Variants in GAB2 observed in about 807,000 individuals in gnomAD.
GAB2 encodes the protein GRB2-associated-binding protein 2.
A neutral mutation model predicts 65.5 loss-of-function variants in GAB2; 26 were observed. That is an observed-to-expected ratio of 0.40 (90% confidence interval 0.29 to 0.55). The LOEUF is 0.55. GAB2 is among the 20% of genes least tolerant of loss of function. The probability of loss-of-function intolerance (pLI) is 0.53; values close to 1 mark genes in which losing one functional copy is unlikely to be tolerated. For missense variants in GAB2, 884 were observed against 875.8 expected (o/e 1.01, Z -0.12); for synonymous variants, 321 against 329.6 (o/e 0.97, Z 0.28).
At chr11:78,412,750 G>A (rs1255395329) in intron 1 of GAB2, among the ~76,000 whole-genome samples, 1 of 152,140 alleles carries the variant, frequency 6.6e-6, no homozygotes, top group Non-Finnish European at 1.5e-5. Context: ...AAAAAGCCCA[G>A]GCTTTAGGAC....
At chr11:78,282,539 C>T (rs1438734605) in intron 1 of GAB2, among the ~76,000 whole-genome samples, 2 of 152,028 alleles carry the variant, frequency 1.3e-5, no homozygotes, top group Non-Finnish European at 2.9e-5. Flanking sequence ...AAACTCCTGA[C>T]CTCAGGTGAT....
At chr11:78,270,658 G>A (rs1356394949) in intron 2 of GAB2, among the ~76,000 whole-genome samples, 1 of 152,216 alleles carries the variant, frequency 6.6e-6, no homozygotes, top group Non-Finnish European at 1.5e-5. Context: ...CTGCGTAAGT[G>A]TTGTATAGAC....
chr11:78,269,539 G>C (rs980763490), intron 2 of GAB2, among the ~76,000 whole-genome samples: 2 of 152,174 alleles, frequency 1.3e-5, no homozygotes, highest in African/African-American at 4.8e-5. Context: ...TGACTTTTAA[G>C]GCACCAGTCA....
intron 1 of GAB2, among the ~76,000 whole-genome samples, chr11:78,402,912 T>C (rs900973465): frequency 2.6e-5 from 4 of 152,242 alleles, no homozygotes; most frequent in Non-Finnish European, 5.9e-5. Context: ...GGTGGGTCCT[T>C]TGGGAGGTTA....
chr11:78,348,226 T>G (rs975849521), intron 1 of GAB2, among the ~76,000 whole-genome samples: 2 of 152,200 alleles, frequency 1.3e-5, no homozygotes, highest in Non-Finnish European at 2.9e-5. Context: ...GTGTCACTTT[T>G]ACTGAAAAGA....
intron 1 of GAB2, among the ~76,000 whole-genome samples, chr11:78,306,900 AAAGT>A (rs1244608120): frequency 6.6e-6 from 1 of 152,234 alleles, no homozygotes; most frequent in Non-Finnish European, 1.5e-5. Flanking sequence ...AGAAAGAGAT[AAAGT>A]AAGGTATATA....
chr11:78,344,979 A>T (rs991941921), intron 1 of GAB2, among the ~76,000 whole-genome samples: 2 of 152,206 alleles, frequency 1.3e-5, no homozygotes, highest in Admixed American at 1.3e-4. Context: ...ACATTAAGTG[A>T]AATAAACTGT....
chr11:78,417,614 G>C, intron 1 of GAB2, 32 bp downstream of exon 1: 2 of 1,158,072 alleles, frequency 1.7e-6, no homozygotes, highest in South Asian at 1.6e-5. Context: ...AGCGCCCCCC[G>C]CCCGCCCCTG....
At chr11:78,378,988 T>G (rs1163200237) in intron 1 of GAB2, among the ~76,000 whole-genome samples, 2 of 152,134 alleles carry the variant, frequency 1.3e-5, no homozygotes, top group Non-Finnish European at 2.9e-5. Flanking sequence ...TTCCCCAGAA[T>G]CACACAGATG....
chr11:78,377,325 T>C (rs1856643822), intron 1 of GAB2, among the ~76,000 whole-genome samples: 3 of 152,184 alleles, frequency 2.0e-5, no homozygotes, highest in Admixed American at 1.3e-4. Flanking sequence ...GCCTTCTTGC[T>C]GTGTCCTCAC....
At chr11:78,296,930 C>A (rs115465574) in intron 1 of GAB2, among the ~76,000 whole-genome samples, 3,257 of 152,324 alleles carry the variant, frequency 0.021, 101 homozygotes, top group African/African-American at 0.074. Flanking sequence ...AGCCCTCAAG[C>A]TGCTTTTGTA....
intron 2 of GAB2, among the ~76,000 whole-genome samples, chr11:78,272,623 G>A (rs534459052): frequency 1.3e-5 from 2 of 151,812 alleles, no homozygotes; most frequent in South Asian, 4.2e-4. Context: ...AAAAAGTTTG[G>A]AAAATCTGCA....
intron 1 of GAB2, among the ~76,000 whole-genome samples, chr11:78,300,624 G>T (rs1866975679): frequency 6.7e-6 from 1 of 150,206 alleles, no homozygotes; most frequent in Non-Finnish European, 1.5e-5. Context: ...CACAAGACTT[G>T]GTCATTATGG....
chr11:78,342,091 T>C (rs997765935), intron 1 of GAB2, among the ~76,000 whole-genome samples: 1 of 152,310 alleles, frequency 6.6e-6, no homozygotes, highest in South Asian at 2.1e-4. Flanking sequence ...GAAATAAATA[T>C]AAGGATCACC....
intron 1 of GAB2, chr11:78,324,641 G>A (rs1421063361): frequency 6.6e-6 from 1 of 152,178 alleles, no homozygotes; most frequent in East Asian, 1.9e-4. Flanking sequence ...CATGCTAAGT[G>A]CTTTATACAT....
chr11:78,280,604 T>C lies in GAB2; in HGVS notation c.373A>G (p.Thr125Ala). The change falls in exon 2 of 10, where the codon ACA (threonine) becomes GCA (alanine). Residue 125 changes from threonine (T) to alanine (A), a missense_variant. Transcript: ENST00000361507. ...ICGFNQAEES[T>A]DSLRNVSSAG... is the part of the protein sequence containing the mutation. ...AGATCTGTGTGCGTTCTCATACCTG[T>C]GCTCTCCTCAGCCTGATTGAAGCCA... 2 of 1,612,640 alleles carry C rather than the reference T, an allele frequency of 1.2e-6. No individual in the cohort carries two copies. The highest frequency in any genetic ancestry group is 4.5e-5 in the East Asian group (2 of 44,876).
At chr11:78,379,653 G>A (rs78713126) in intron 1 of GAB2, among the ~76,000 whole-genome samples, 3,583 of 152,270 alleles carry the variant, frequency 0.024, 139 homozygotes, top group African/African-American at 0.081. Context: ...GTTTCCTACT[G>A]TTGAGAGTGT....
intron 1 of GAB2, among the ~76,000 whole-genome samples, chr11:78,413,986 G>T (rs187139128): frequency 5.9e-5 from 9 of 151,912 alleles, no homozygotes; most frequent in African/African-American, 2.2e-4. Flanking sequence ...TACTTGGGAG[G>T]CTGAGGCAGG....
chr11:78,219,437 G>T, intron 9 of GAB2, 22 bp from the exon 10 acceptor site: 1 of 1,612,664 alleles, frequency 6.2e-7, no homozygotes, highest in Non-Finnish European at 8.5e-7. Context: ...GAGTGGGAAA[G>T]AGGGAGTAGC....
Sources: allele counts gnomAD v4.1 joint callset (sites outside exome capture counted in the v4.1 genomes callset), GRCh38; gene constraint gnomAD v4.1.1; transcripts MANE v1.5; gene names NCBI Gene and HGNC (gene_info 2026-07-23, HGNC 2026-07-21).